Variants in SYT2 observed in about 807,000 individuals in gnomAD.
SYT2 encodes synaptotagmin 2.
Under a neutral mutation model 39.9 loss-of-function variants are expected in SYT2, and 15 were observed. That is an observed-to-expected ratio of 0.38 (90% CI 0.25 to 0.58). The LOEUF is 0.58. Among genes scored for constraint, SYT2 ranks in the 20% least tolerant of loss-of-function variants. The probability of loss-of-function intolerance (pLI) is 0.70; values close to 1 mark genes in which losing one functional copy is unlikely to be tolerated. For missense variants in SYT2, 389 were observed against 530.3 expected (o/e 0.73, Z 2.62); for synonymous variants, 181 against 204.5 (o/e 0.89, Z 0.98).
intron 1 of SYT2, among the ~76,000 whole-genome samples, chr1:202,662,424 T>C (rs1360255682): frequency 1.3e-5 from 2 of 152,250 alleles, no homozygotes; most frequent in African/African-American, 4.8e-5. Flanking sequence ...GGGCAGCATC[T>C]GGAAGACAGC....
At chr1:202,602,163 G>A in intron 5 of SYT2, 106 bp from the exon 6 acceptor site, 4 of 1,180,396 alleles carry the variant, frequency 3.4e-6, no homozygotes, top group South Asian at 2.8e-5. Flanking sequence ...AGGTTAGTGT[G>A]CCGAGACAGA....
At chr1:202,669,953 C>T (rs887587423) in intron 1 of SYT2, among the ~76,000 whole-genome samples, 7 of 152,174 alleles carry the variant, frequency 4.6e-5, no homozygotes, top group African/African-American at 9.6e-5. Flanking sequence ...AAGCAGAGGG[C>T]GTGATGAATA....
chr1:202,666,283 G>C (rs1572667129), intron 1 of SYT2, among the ~76,000 whole-genome samples: 1 of 152,086 alleles, frequency 6.6e-6, no homozygotes, highest in African/African-American at 2.4e-5. Flanking sequence ...CCAGTGATCA[G>C]ACAGCTTGAC....
At chr1:202,600,563 G>A (rs1228536501) in intron 6 of SYT2, 89 bp from the exon 7 acceptor site, 16 of 1,151,324 alleles carry the variant, frequency 1.4e-5, no homozygotes, top group Non-Finnish European at 2.1e-5. Context: ...AATTAGCAAG[G>A]CAGTGATGTG....
chr1:202,638,252 C>A (rs1351524986), intron 1 of SYT2, among the ~76,000 whole-genome samples: 4 of 152,242 alleles, frequency 2.6e-5, no homozygotes, highest in East Asian at 1.9e-4. Flanking sequence ...CCTCCTCCCC[C>A]CCAGCCCCTC....
At chr1:202,688,352 G>A (rs537019338) in intron 1 of SYT2, among the ~76,000 whole-genome samples, 10 of 152,316 alleles carry the variant, frequency 6.6e-5, no homozygotes, top group Non-Finnish European at 1.0e-4. Flanking sequence ...TGGCCCTGTC[G>A]TTATGCTCTG....
At chr1:202,654,886 C>T (rs1337447634) in intron 1 of SYT2, among the ~76,000 whole-genome samples, 1 of 152,126 alleles carries the variant, frequency 6.6e-6, no homozygotes, top group African/African-American at 2.4e-5. Context: ...TAATGGCTGG[C>T]CCAGGCTGCT....
At chr1:202,707,787 G>T (rs750332336) in intron 1 of SYT2, among the ~76,000 whole-genome samples, 22 of 152,342 alleles carry the variant, frequency 1.4e-4, no homozygotes, top group Non-Finnish European at 2.8e-4. Context: ...GAGGCAGAAA[G>T]AATGACTAGA....
At chr1:202,687,470 A>G (rs969910891) in intron 1 of SYT2, among the ~76,000 whole-genome samples, 1 of 152,048 alleles carries the variant, frequency 6.6e-6, no homozygotes, top group East Asian at 1.9e-4. Flanking sequence ...CGCAGAACCT[A>G]GCTCTGGGTG....
At chr1:202,705,319 T>C (rs1654221008) in intron 1 of SYT2, among the ~76,000 whole-genome samples, 1 of 152,256 alleles carries the variant, frequency 6.6e-6, no homozygotes. Context: ...TTGACCGCCC[T>C]TGTGAGCCGC....
chr1:202,647,728 C>T lies in SYT2; in HGVS notation c.-17-41939G>A, dbSNP rs540972492. The stretch of plus-strand genomic sequence containing the variant: ...GCTCTCAGTTATTCCCTTCCAGAAA[C>T]GAAGCAACTAGATTTCTGCAAAGAG... On this transcript the variant is annotated intron_variant, in intron 1 of 8. Coordinates refer to ENST00000367268, the MANE Select transcript of SYT2 (RefSeq NM_177402.5). 5.3e-5 allele frequency among the ~76,000 whole-genome samples: 8 copies of T among 152,282 alleles called. No homozygotes were observed. The South Asian group carries it at 8.3e-4, about 16-fold the overall frequency.
chr1:202,624,755 G>GGT (rs781683105), intron 1 of SYT2, among the ~76,000 whole-genome samples: 5 of 88,730 alleles, frequency 5.6e-5, no homozygotes, highest in Non-Finnish European at 1.1e-4. Flanking sequence ...TAGGGTGTGT[G>GGT]GTGTGTGTGT....
At chr1:202,680,581 CAAG>C (rs1653499580) in intron 1 of SYT2, among the ~76,000 whole-genome samples, 1 of 152,122 alleles carries the variant, frequency 6.6e-6, no homozygotes, top group African/African-American at 2.4e-5. Context: ...ACCAATGGGG[CAAG>C]AAGATGGGAA....
intron 1 of SYT2, among the ~76,000 whole-genome samples, chr1:202,661,103 A>G (rs905635382): frequency 6.6e-6 from 1 of 152,064 alleles, no homozygotes; most frequent in African/African-American, 2.4e-5. Context: ...CTCATGGACC[A>G]TATAATTTGT....
chr1:202,600,516 C>G (rs1276189763), intron 6 of SYT2, 42 bp from the exon 7 acceptor site: 5 of 1,586,746 alleles, frequency 3.2e-6, no homozygotes, highest in African/African-American at 2.7e-5. Flanking sequence ...CTCACCCATC[C>G]TAGTGCCTCT....
intron 1 of SYT2, among the ~76,000 whole-genome samples, chr1:202,691,735 G>A (rs1653837221): frequency 2.6e-5 from 1 of 39,196 alleles, no homozygotes; most frequent in Non-Finnish European, 6.5e-5. Flanking sequence ...GAGGGGGGGA[G>A]AGAGAGAGAG....
At chr1:202,665,185 G>A (rs960266451) in intron 1 of SYT2, among the ~76,000 whole-genome samples, 7 of 152,208 alleles carry the variant, frequency 4.6e-5, no homozygotes, top group African/African-American at 1.7e-4. Context: ...TCCCTGGGAT[G>A]AAAGTGATGA....
intron 1 of SYT2, among the ~76,000 whole-genome samples, chr1:202,619,143 G>A (rs1691134464): frequency 6.6e-6 from 1 of 152,202 alleles, no homozygotes; most frequent in African/African-American, 2.4e-5. Context: ...AGAACGGTGT[G>A]AGGGAGAGCC....
intron 1 of SYT2, among the ~76,000 whole-genome samples, chr1:202,680,183 G>A (rs894387855): frequency 1.3e-5 from 2 of 152,164 alleles, no homozygotes; most frequent in Non-Finnish European, 2.9e-5. Flanking sequence ...CATACATTTT[G>A]CCTAAATATA....
Sources: allele counts gnomAD v4.1 joint callset (sites outside exome capture counted in the v4.1 genomes callset), GRCh38; gene constraint gnomAD v4.1.1; transcripts MANE v1.5; gene names NCBI Gene and HGNC (gene_info 2026-07-23, HGNC 2026-07-21).